Variants in ANKFN1 observed in about 807,000 individuals in gnomAD.
ANKFN1 encodes ankyrin repeat and fibronectin type III domain containing 1.
A neutral mutation model predicts 108.7 loss-of-function variants in ANKFN1; 74 were observed. The observed-to-expected ratio is 0.68, with a 90% CI of 0.56 to 0.83. ANKFN1 has a LOEUF of 0.83. ANKFN1 is among the 40% of genes least tolerant of loss of function. The pLI is 0.00. For synonymous variants in ANKFN1, 547 were observed against 516.2 expected (o/e 1.06, Z -0.81); for missense variants, 1,505 against 1,382.3 (o/e 1.09, Z -1.41).
At chr17:56,177,551 C>G (rs1472288600) in intron 1 of ANKFN1, among the ~76,000 whole-genome samples, 1 of 152,176 alleles carries the variant, frequency 6.6e-6, no homozygotes, top group African/African-American at 2.4e-5. Context: ...CCTGCTTTGG[C>G]TGATGCTCAA....
chr17:56,164,192 C>T (rs1909941323), intron 1 of ANKFN1, among the ~76,000 whole-genome samples: 1 of 152,172 alleles, frequency 6.6e-6, no homozygotes, highest in Non-Finnish European at 1.5e-5. Flanking sequence ...TTTGGATCTG[C>T]TGCTCCCTTG....
At chr17:56,316,644 T>A (rs555013535) in intron 3 of ANKFN1, among the ~76,000 whole-genome samples, 1 of 151,942 alleles carries the variant, frequency 6.6e-6, no homozygotes, top group African/African-American at 2.4e-5. Flanking sequence ...CCTAGAAGAA[T>A]TGACAAAAAA....
At chr17:56,408,596 T>C (rs6505056) in intron 8 of ANKFN1, among the ~76,000 whole-genome samples, 114,916 of 151,992 alleles carry the variant, frequency 0.76, 43,637 homozygotes, top group East Asian at 0.96. Context: ...GAAAAAGAGA[T>C]GAGATGGTCA....
At position 56,510,873 on chromosome 17, in the gene ANKFN1, T is replaced by A. The variant is rs2051733267; in HGVS notation, c.3045T>A (p.His1015Gln). 1 of 1,536,052 alleles carries A rather than the reference T, an allele frequency of 6.5e-7. No homozygotes were observed. The change falls in exon 21 of 21, where the codon CAT becomes CAA. Residue 1015 changes from histidine (H) to glutamine (Q), a missense_variant. By Grantham distance (24) the His-to-Gln change is conservative. Transcript: ENST00000682825. ...ACTATGGCGGCTTCAGCCGCCATCA[T>A]CGCTGGTTGCGCATCCACAGCGAGA... ...HPHYGGFSRH[H>Q]RWLRIHSETQ... is the part of the protein sequence containing the mutation.
intron 3 of ANKFN1, among the ~76,000 whole-genome samples, chr17:56,287,902 T>A (rs908977025): frequency 6.6e-6 from 1 of 152,086 alleles, no homozygotes; most frequent in Non-Finnish European, 1.5e-5. Flanking sequence ...TACATAATGA[T>A]CTTTGAGTGG....
At chr17:56,151,741 G>A (rs531638958), upstream of ANKFN1, among the ~76,000 whole-genome samples, 13 of 151,984 alleles carry the variant, frequency 8.6e-5, no homozygotes, top group South Asian at 1.0e-3. Flanking sequence ...CATTACTTCC[G>A]TTACTCTCAG....
intron 1 of ANKFN1, among the ~76,000 whole-genome samples, chr17:56,163,260 C>G (rs1247375960): frequency 6.6e-6 from 1 of 151,998 alleles, no homozygotes; most frequent in Non-Finnish European, 1.5e-5. Context: ...TAACATTGTT[C>G]ACAGAGATTT....
At chr17:56,448,778 G>A (rs1311295157) in intron 10 of ANKFN1, among the ~76,000 whole-genome samples, 1 of 152,158 alleles carries the variant, frequency 6.6e-6, no homozygotes, top group East Asian at 1.9e-4. Context: ...AAGGGGAGAA[G>A]GGGTTGGAAG....
At chr17:56,126,624 G>A (rs931429995) in intron 4 of ANKFN1, among the ~76,000 whole-genome samples, 8 of 152,180 alleles carry the variant, frequency 5.3e-5, no homozygotes, top group African/African-American at 1.9e-4. Context: ...CACAACAGTA[G>A]GAGACACAAA....
intron 3 of ANKFN1, among the ~76,000 whole-genome samples, chr17:56,291,374 A>C (rs1245807942): frequency 6.6e-6 from 1 of 152,186 alleles, no homozygotes; most frequent in Non-Finnish European, 1.5e-5. Flanking sequence ...ACCTGCTTAC[A>C]ATGACAAGTA....
At chr17:56,411,689 T>A (rs927090425) in intron 8 of ANKFN1, among the ~76,000 whole-genome samples, 1 of 152,216 alleles carries the variant, frequency 6.6e-6, no homozygotes, top group Admixed American at 6.5e-5. Flanking sequence ...GGAGACTTTT[T>A]ATCATGAAAA....
chr17:56,057,981 C>G (rs76338937), intron 4 of ANKFN1, among the ~76,000 whole-genome samples: 1,531 of 152,274 alleles, frequency 0.01, 8 homozygotes, highest in Non-Finnish European at 0.016. Flanking sequence ...TTTTTCTGAG[C>G]AGTACTTTTC....
At chr17:56,284,543 A>C (rs1185191471) in intron 3 of ANKFN1, among the ~76,000 whole-genome samples, 2 of 152,210 alleles carry the variant, frequency 1.3e-5, no homozygotes, top group East Asian at 3.8e-4. Context: ...ATAGGAAAGC[A>C]CAGCTCAAAA....
intron 1 of ANKFN1, among the ~76,000 whole-genome samples, chr17:56,158,706 G>A (rs1909342251): frequency 6.6e-6 from 1 of 152,150 alleles, no homozygotes; most frequent in Non-Finnish European, 1.5e-5. Flanking sequence ...GAAAATAAAT[G>A]ATTTTTTTAT....
chr17:56,424,997 G>C (rs2145078447), intron 8 of ANKFN1, among the ~76,000 whole-genome samples: 1 of 152,162 alleles, frequency 6.6e-6, no homozygotes, highest in Non-Finnish European at 1.5e-5. Flanking sequence ...TTTTATTACT[G>C]TTTGCAATTG....
At chr17:56,469,668 T>C (rs1003952163) in intron 15 of ANKFN1, among the ~76,000 whole-genome samples, 2 of 152,170 alleles carry the variant, frequency 1.3e-5, no homozygotes, top group Admixed American at 6.5e-5. Context: ...AAAAACCTAC[T>C]TCATAGGGTT....
chr17:56,444,499 G>T (rs1223499311), intron 10 of ANKFN1, among the ~76,000 whole-genome samples: 1 of 152,074 alleles, frequency 6.6e-6, no homozygotes, highest in Non-Finnish European at 1.5e-5. Flanking sequence ...TTCACATTCA[G>T]TATCTCTTAA....
chr17:56,466,598 G>T (rs2050081260), intron 15 of ANKFN1, 27 bp downstream of exon 15: 1 of 1,561,222 alleles, frequency 6.4e-7, no homozygotes, highest in Non-Finnish European at 8.7e-7. Context: ...TTAATTCCCG[G>T]GTATACTTAA....
At chr17:56,466,654 C>A in intron 15 of ANKFN1, 83 bp downstream of exon 15, 1 of 1,205,012 alleles carries the variant, frequency 8.3e-7, no homozygotes, top group Non-Finnish European at 1.2e-6. Flanking sequence ...ATTGCAAGAG[C>A]CATTTACATA....
Sources: allele counts gnomAD v4.1 joint callset (sites outside exome capture counted in the v4.1 genomes callset), GRCh38; gene constraint gnomAD v4.1.1; transcripts MANE v1.5; gene names NCBI Gene and HGNC (gene_info 2026-07-23, HGNC 2026-07-21).